CNTNAP3: variants seen among roughly 807,000 people sequenced by gnomAD.
CNTNAP3 encodes contactin associated protein family member 3.
CNTNAP3 carries 36 observed loss-of-function variants against 92.1 expected under a neutral mutation model. The observed-to-expected ratio is 0.39, with a 90% CI of 0.30 to 0.52. The LOEUF (loss-of-function observed/expected upper bound fraction) is 0.52, where lower values mean the gene tolerates loss of function less well. Among genes scored for constraint, CNTNAP3 ranks in the 20% least tolerant of loss-of-function variants. CNTNAP3 has a pLI of 0.76. For synonymous variants in CNTNAP3, 232 were observed against 422.3 expected, an observed-to-expected ratio of 0.55 and a Z score of 5.53; for missense variants, 534 against 1,069.6, an observed-to-expected ratio of 0.50 and a Z score of 6.98.
intron 12 of CNTNAP3, among the ~76,000 whole-genome samples, chr9:39,138,296 G>A (rs1212679034): frequency 6.6e-6 from 1 of 152,148 alleles, no homozygotes; most frequent in East Asian, 1.9e-4. Context: ...CTATAGCCCT[G>A]TGATTAGGTC....
At chr9:39,096,762 G>A (rs901821538) in intron 18 of CNTNAP3, among the ~76,000 whole-genome samples, 2 of 151,670 alleles carry the variant, frequency 1.3e-5, no homozygotes, top group Non-Finnish European at 2.9e-5. Context: ...TGTTGATCCT[G>A]GCGTTTCCTT....
intron 21 of CNTNAP3, among the ~76,000 whole-genome samples, chr9:39,084,146 G>A (rs374275113): frequency 7.9e-5 from 12 of 151,634 alleles, no homozygotes; most frequent in African/African-American, 2.9e-4. Context: ...GTTTCATTCA[G>A]AGGCTTTCTC....
rs1587727845 is a variant in CNTNAP3 at position 39,138,927 on chromosome 9, C to A, written c.1876+1592G>T. ...AAAATTGGTTGATTTTTCAGTTTGC[C>A]TGGCTTTTTACTTGTTCTTAAGACA... On this transcript the variant is annotated intron_variant, in intron 12 of 23. Coordinates refer to ENST00000297668, the MANE Select transcript of CNTNAP3 (RefSeq NM_033655.5). Among the ~76,000 whole-genome samples the A allele has an allele frequency of 2.0e-5, 3 of 152,206 alleles. No individual in the cohort carries two copies. In the East Asian group the frequency reaches 5.8e-4, roughly 29 times the overall value.
At chr9:39,128,362 A>G (rs1821197607) in intron 13 of CNTNAP3, among the ~76,000 whole-genome samples, 1 of 152,132 alleles carries the variant, frequency 6.6e-6, no homozygotes, top group Non-Finnish European at 1.5e-5. Flanking sequence ...TAATAAATGA[A>G]ACACATTAGA....
intron 18 of CNTNAP3, among the ~76,000 whole-genome samples, chr9:39,094,133 A>G (rs1157885517): frequency 6.6e-6 from 1 of 151,542 alleles, no homozygotes. Context: ...AATGATGTTG[A>G]GTATCATCTT....
intron 11 of CNTNAP3, among the ~76,000 whole-genome samples, chr9:39,143,419 C>T (rs1821625256): frequency 1.3e-5 from 2 of 152,042 alleles, no homozygotes; most frequent in Admixed American, 1.3e-4. Flanking sequence ...GTGCATGGAC[C>T]ACCAATCAGG....
chr9:39,102,279 G>GAAAACA (rs1201969257), intron 17 of CNTNAP3, among the ~76,000 whole-genome samples: 15 of 152,338 alleles, frequency 9.8e-5, no homozygotes, highest in Admixed American at 4.6e-4. Context: ...GACTCTGTCT[G>GAAAACA]AAAACAAAAA....
intron 13 of CNTNAP3, among the ~76,000 whole-genome samples, chr9:39,131,223 G>A (rs1230781898): frequency 2.0e-5 from 3 of 151,846 alleles, no homozygotes; most frequent in Non-Finnish European, 4.4e-5. Context: ...GGAGAACTGG[G>A]AAGGAGAGTT....
intron 15 of CNTNAP3, among the ~76,000 whole-genome samples, chr9:39,107,177 A>G (rs1241238810): frequency 3.9e-5 from 6 of 152,012 alleles, no homozygotes; most frequent in East Asian, 3.9e-4. Flanking sequence ...AGTATAAACA[A>G]TGTTTCAAAA....
chr9:39,137,793 C>T (rs1441623772), intron 12 of CNTNAP3, among the ~76,000 whole-genome samples: 3 of 152,114 alleles, frequency 2.0e-5, no homozygotes, highest in East Asian at 1.9e-4. Context: ...GGATTACAGG[C>T]GTGAGCCACC....
At chr9:39,132,681 T>A (rs1821321242) in intron 13 of CNTNAP3, among the ~76,000 whole-genome samples, 1 of 152,124 alleles carries the variant, frequency 6.6e-6, no homozygotes, top group Admixed American at 6.5e-5. Flanking sequence ...CAGCAAAATT[T>A]CCCTTGATTA....
intron 13 of CNTNAP3, among the ~76,000 whole-genome samples, chr9:39,121,486 A>C (rs947422677): frequency 2.0e-5 from 3 of 152,164 alleles, no homozygotes; most frequent in African/African-American, 7.2e-5. Flanking sequence ...CTAACTAAAA[A>C]TAAACAGTTC....
intron 11 of CNTNAP3, among the ~76,000 whole-genome samples, chr9:39,142,395 G>A (rs934581524): frequency 1.3e-5 from 2 of 152,076 alleles, no homozygotes; most frequent in African/African-American, 4.8e-5. Context: ...CACAGCGGCT[G>A]GGCATGGTGG....
At chr9:39,085,505 G>A in intron 21 of CNTNAP3, 1 of 522,196 alleles carries the variant, frequency 1.9e-6, no homozygotes, top group Non-Finnish European at 3.4e-6. Context: ...TGATTGCCAA[G>A]TGAGAGGTTA....
At chr9:39,150,027 A>G (rs764284367) in intron 9 of CNTNAP3, 50 bp from the exon 10 acceptor site, 2 of 1,537,110 alleles carry the variant, frequency 1.3e-6, no homozygotes, top group African/African-American at 1.4e-5. Context: ...TGACAAAACT[A>G]TTCCACAGTA....
intron 15 of CNTNAP3, among the ~76,000 whole-genome samples, chr9:39,107,354 A>T (rs184309981): frequency 1.4e-5 from 2 of 139,874 alleles, no homozygotes; most frequent in Admixed American, 7.1e-5. Context: ...GCCAGACTGA[A>T]TGGGAGGGAG....
At chr9:39,097,882 AAAT>A (rs1367112316) in intron 18 of CNTNAP3, among the ~76,000 whole-genome samples, 1 of 150,716 alleles carries the variant, frequency 6.6e-6, no homozygotes, top group Non-Finnish European at 1.5e-5. Context: ...TTGTTTTTTA[AAAT>A]AATAATTTTT....
intron 14 of CNTNAP3, among the ~76,000 whole-genome samples, chr9:39,114,240 G>T (rs561436981): frequency 2.6e-5 from 4 of 151,826 alleles, no homozygotes; most frequent in African/African-American, 9.7e-5. Flanking sequence ...CCACCACCAT[G>T]CCTGGCTAAT....
At chr9:39,151,993 G>A (rs1343485818) in intron 9 of CNTNAP3, among the ~76,000 whole-genome samples, 1 of 148,580 alleles carries the variant, frequency 6.7e-6, no homozygotes. Context: ...ATCACTAGAG[G>A]ATTGAGTTTT....
Sources: allele counts gnomAD v4.1 joint callset (sites outside exome capture counted in the v4.1 genomes callset), GRCh38; gene constraint gnomAD v4.1.1; transcripts MANE v1.5; gene names NCBI Gene and HGNC (gene_info 2026-07-23, HGNC 2026-07-21).